Variants in ATP5PO observed in about 807,000 individuals in gnomAD.
ATP5PO encodes the protein ATP synthase peripheral stalk subunit OSCP, mitochondrial.
In ATP5PO, 14 loss-of-function variants were observed where a neutral mutation model predicts 26.2. That is an observed-to-expected ratio of 0.53 (90% CI 0.35 to 0.83). The LOEUF (loss-of-function observed/expected upper bound fraction) is 0.83. Among genes scored for constraint, ATP5PO ranks in the 40% least tolerant of loss-of-function variants. The probability of loss-of-function intolerance (pLI) is 0.01; values close to 1 mark genes in which losing one functional copy is unlikely to be tolerated. For synonymous variants in ATP5PO, 106 were observed against 95.1 expected (o/e 1.12, Z -0.67); for missense variants, 241 against 258.5 (o/e 0.93, Z 0.46).
chr21:33,909,496 C>T (rs1987221259), intron 3 of ATP5PO, among the ~76,000 whole-genome samples: 1 of 152,130 alleles, frequency 6.6e-6, no homozygotes, highest in African/African-American at 2.4e-5. Flanking sequence ...AAACTCCTGA[C>T]CTCGAGTGAT....
At chr21:33,905,918 GA>G (rs59334506) in intron 5 of ATP5PO, among the ~76,000 whole-genome samples, 3,783 of 98,436 alleles carry the variant, frequency 0.038, 124 homozygotes, top group African/African-American at 0.13. Flanking sequence ...TCTCAAAAAA[GA>G]AAAAAAAAAA....
At chr21:33,908,985 CA>C in intron 4 of ATP5PO, 96 bp downstream of exon 4, 2 of 1,356,482 alleles carry the variant, frequency 1.5e-6, no homozygotes, top group Non-Finnish European at 2.0e-6. Context: ...TCACTGCCAA[CA>C]GGCTCCCAGG....
In ATP5PO at chr21:33,915,782, A is replaced by T. The variant is rs376092149; in HGVS notation, c.-19T>A. 211 of 1,563,510 alleles carry T rather than the reference A, an allele frequency of 1.3e-4. No homozygotes were observed. Among genetic ancestry groups the T allele is most frequent in the Non-Finnish European group, 1.8e-4 (203 of 1,155,144 alleles). On this transcript the variant is annotated 5_prime_UTR_variant, in exon 1 of 7. Transcript: ENST00000290299. Reference sequence around the variant, plus strand: ...CAGCCATCTTCTCCCGGGCGGCTGTAGGTCAAACCCGAGTGGGAAGAGAGA... The same window carrying T: ...CAGCCATCTTCTCCCGGGCGGCTGTTGGTCAAACCCGAGTGGGAAGAGAGA...
At position 33,903,944 on chromosome 21, in the gene ATP5PO, C is replaced by G. The variant is rs1200092273; in HGVS notation, c.519G>C (p.Leu173Phe). 6.2e-7 allele frequency: 1 copy of G among 1,609,402 alleles called. No homozygotes were observed. The highest frequency in any genetic ancestry group is 8.5e-7 in the Non-Finnish European group (1 of 1,177,562). Residue 173 changes from leucine to phenylalanine, a missense_variant, in exon 6 of 7, where the codon TTG (leucine) becomes TTC (phenylalanine). Physicochemically the swap from Leu to Phe is conservative, Grantham distance 22. This residue lies in a region of ATP5PO where 77 missense variants were observed against 74.5 expected (regional missense o/e 1.03). Transcript: ENST00000290299. ...SFLSQGQVLK[L>F]EAKTDPSILG... ...ATAATTTAAAACCTACCTTAGCCTC[C>G]AATTTCAATACTTGGCCTTGACTTA...
At chr21:33,908,331 T>C (rs1321805651) in intron 4 of ATP5PO, among the ~76,000 whole-genome samples, 1 of 152,138 alleles carries the variant, frequency 6.6e-6, no homozygotes, top group East Asian at 1.9e-4. Flanking sequence ...ATGTTACAGA[T>C]TGTATGTTTG....
rs183717038 is a variant in ATP5PO, at chr21:33,907,855, A to T, written c.329-402T>A. 6.4e-3 allele frequency among the ~76,000 whole-genome samples: 982 copies of T among 152,306 alleles called. 9 individuals carry two copies. Among genetic ancestry groups the T allele is most frequent in the Non-Finnish European group, 6.2e-3 (419 of 68,028 alleles). On this transcript the variant is annotated intron_variant, in intron 4 of 6. Coordinates refer to ENST00000290299, the MANE Select transcript of ATP5PO (RefSeq NM_001697.3). ...AATCACAGTATATTCAATGTTCTTT[A>T]ACAATGTGAATGGAGGCCAAGTGCA... is the stretch of plus-strand genomic sequence containing the variant.
At chr21:33,912,957 AATAAACT>A (rs1359638899) in intron 2 of ATP5PO, among the ~76,000 whole-genome samples, 2 of 152,206 alleles carry the variant, frequency 1.3e-5, no homozygotes, top group African/African-American at 4.8e-5. Context: ...TATTTTTCAC[AATAAACT>A]ATAGACTTTT....
chr21:33,915,382 A>G, intron 1 of ATP5PO: 1 of 364,952 alleles, frequency 2.7e-6, no homozygotes, highest in Non-Finnish European at 5.0e-6. Flanking sequence ...GACAGGTTTT[A>G]CCACAATGGC....
At chr21:33,908,232 AT>A (rs1399978677) in intron 4 of ATP5PO, among the ~76,000 whole-genome samples, 151 of 147,126 alleles carry the variant, frequency 1.0e-3, no homozygotes, top group African/African-American at 1.6e-3. Context: ...CGCATATCCA[AT>A]TTTTTTTTTT....
Position 33,909,195 on chromosome 21 carries a change from G to A in ATP5PO, c.215C>T (p.Pro72Leu), listed in dbSNP as rs769302579. The A allele has an allele frequency of 1.9e-6, 3 of 1,612,640 alleles. No homozygotes were observed. Among genetic ancestry groups the A allele is most frequent in the Non-Finnish European group, 1.7e-6 (2 of 1,179,564 alleles). ...ATTCAAAACAGAAGCAGCCACTTTG[G>A]GTTCCTTCAGGATTTGCTGAAAGCA... ...LLRVAQILKE[P>L]KVAASVLNPY... is the part of the protein sequence containing the mutation. Residue 72 changes from proline (P) to leucine (L), a missense_variant, in exon 4 of 7, where the codon CCC becomes CTC. By Grantham distance (98) the Pro-to-Leu change is moderately conservative. Around this residue, in one of 3 missense-constraint regions of ATP5PO, gnomAD observed 125 missense variants for 108.5 expected, o/e 1.15. Transcript: ENST00000290299.
chr21:33,909,399 C>T (rs1301164009), intron 3 of ATP5PO, among the ~76,000 whole-genome samples, 188 bp from the exon 4 acceptor site: 2 of 151,868 alleles, frequency 1.3e-5, no homozygotes, highest in Admixed American at 6.6e-5. Flanking sequence ...CCTGCCTCAG[C>T]CTCCCGAATA....
intron 5 of ATP5PO, among the ~76,000 whole-genome samples, chr21:33,905,771 G>A (rs1435465095): frequency 2.0e-5 from 3 of 151,972 alleles, no homozygotes; most frequent in African/African-American, 7.3e-5. Flanking sequence ...TAAATTAGCC[G>A]GGTGTGGTGG....
intron 2 of ATP5PO, among the ~76,000 whole-genome samples, chr21:33,912,795 T>C (rs942919850): frequency 3.9e-5 from 6 of 152,240 alleles, no homozygotes; most frequent in Admixed American, 2.0e-4. Context: ...TCGAGTATGT[T>C]AGAGCTAGGA....
chr21:33,903,747 T>TTACCTC (rs1987132913), intron 6 of ATP5PO, 108 bp from the exon 7 acceptor site: 1 of 1,264,618 alleles, frequency 7.9e-7, no homozygotes, highest in African/African-American at 1.5e-5. Flanking sequence ...GAGGTTATAA[T>TTACCTC]TACACCTAGA....
At chr21:33,905,874 T>A (rs1987162782) in intron 5 of ATP5PO, among the ~76,000 whole-genome samples, 1 of 131,442 alleles carries the variant, frequency 7.6e-6, no homozygotes, top group Non-Finnish European at 1.5e-5. Flanking sequence ...ATCGTGCCAC[T>A]GCACTCCAGC....
At chr21:33,911,334 C>G (rs962940864) in intron 3 of ATP5PO, among the ~76,000 whole-genome samples, 2 of 152,118 alleles carry the variant, frequency 1.3e-5, no homozygotes, top group African/African-American at 4.8e-5. Context: ...CCTGTCAGTC[C>G]TCTACTACTA....
intron 3 of ATP5PO, among the ~76,000 whole-genome samples, chr21:33,910,440 C>G (rs1987232789): frequency 6.6e-6 from 1 of 152,136 alleles, no homozygotes; most frequent in South Asian, 2.1e-4. Context: ...CAGTGCGTAT[C>G]CTTGTATCAT....
At chr21:33,914,691 A>C in intron 1 of ATP5PO, 191 bp from the exon 2 acceptor site, 1 of 520,930 alleles carries the variant, frequency 1.9e-6, no homozygotes, top group Non-Finnish European at 3.3e-6. Flanking sequence ...GGATTATGCC[A>C]AGTTGCTTGG....
chr21:33,906,694 A>G, intron 5 of ATP5PO: 1 of 456,266 alleles, frequency 2.2e-6, no homozygotes, highest in Admixed American at 2.3e-5. Flanking sequence ...AAGGTTAGTA[A>G]CTCTAGTTTC....
Sources: gnomAD v4.1 joint callset for allele counts (sites outside exome capture counted in the v4.1 genomes callset) on GRCh38, gnomAD v4.1.1 for gene constraint, gnomAD v4.1.1 regional missense constraint, MANE v1.5 for transcripts, NCBI Gene and HGNC (gene_info 2026-07-23, HGNC 2026-07-21) for gene names.